Variants in RXRA observed in about 807,000 individuals in gnomAD.
The protein encoded by RXRA is retinoid X receptor alpha.
A neutral mutation model predicts 44.5 loss-of-function variants in RXRA; 5 were observed. The observed-to-expected ratio is 0.11, with a 90% CI of 0.06 to 0.24. RXRA has a LOEUF of 0.24. Ranked by LOEUF, RXRA falls within the 10% of genes least tolerant of loss-of-function variation. The pLI is 1.00. For missense variants in RXRA, 412 were observed against 646.5 expected (o/e 0.64, Z 3.93); for synonymous variants, 291 against 271.4 (o/e 1.07, Z -0.71).
intron 1 of RXRA, among the ~76,000 whole-genome samples, chr9:134,393,972 T>C (rs945035484): frequency 2.6e-5 from 4 of 152,002 alleles, no homozygotes; most frequent in African/African-American, 7.2e-5. Context: ...ACTTGCTCAG[T>C]ATGGCCAAGA....
In RXRA at chr9:134,437,435, TC is replaced by T. The variant is rs1347459729; in HGVS notation, c.*823del. Reference sequence around the variant, plus strand: ...CGGCCCCTCCCCAGCCTGAGTCTTCTCCTTGCTCTGCGGGGTGGGCTGAGGC... The same window carrying T: ...CGGCCCCTCCCCAGCCTGAGTCTTCTCTTGCTCTGCGGGGTGGGCTGAGGC... On this transcript the variant is annotated 3_prime_UTR_variant, in exon 10 of 10. Transcript: ENST00000481739. The T allele has an allele frequency of 6.6e-6, 1 of 152,582 alleles. No homozygotes were observed. Among genetic ancestry groups the T allele is most frequent in the African/African-American group, 2.4e-5 (1 of 41,446 alleles). The allele number at this position is 152,582 out of a possible 1,614,324, so 9.5% of individuals were successfully genotyped here. A position where few individuals can be genotyped will look rare whatever the true frequency, so the allele number is the denominator to read the frequency against.
At chr9:134,348,984 C>T (rs1830188386) in intron 1 of RXRA, among the ~76,000 whole-genome samples, 2 of 152,206 alleles carry the variant, frequency 1.3e-5, no homozygotes, top group Non-Finnish European at 2.9e-5. Flanking sequence ...GGCCTTGAGA[C>T]TCGGGAGGGG....
intron 6 of RXRA, chr9:134,424,977 CT>C (rs1831408520): frequency 1.0e-6 from 1 of 985,348 alleles, no homozygotes; most frequent in Admixed American, 6.1e-5. Context: ...GTTCCCAGTG[CT>C]GGTGGGGGAG....
At chr9:134,370,316 A>G (rs1355929109) in intron 1 of RXRA, among the ~76,000 whole-genome samples, 2 of 152,190 alleles carry the variant, frequency 1.3e-5, no homozygotes, top group African/African-American at 2.4e-5. Context: ...TGAGCTTGGC[A>G]GGGCTCTCTG....
At chr9:134,425,322 G>A (rs1339768874) in intron 6 of RXRA, 7 of 985,128 alleles carry the variant, frequency 7.1e-6, no homozygotes, top group African/African-American at 1.7e-5. Flanking sequence ...AAGAGTTTTG[G>A]CTTGTTCCAT....
chr9:134,335,855 GTCCC>G lies in RXRA; in HGVS notation c.28+9198_28+9201del, dbSNP rs1829993608. Among the ~76,000 whole-genome samples the G allele has an allele frequency of 1.3e-5, 2 of 152,148 alleles. 1 individual carries two copies. The highest frequency in any genetic ancestry group is 1.3e-4 in the Admixed American group (2 of 15,286). On this transcript the variant is annotated intron_variant, in intron 1 of 9. Transcript: ENST00000481739. ...CACCTATTCCTATACCCCTTGGTCT[GTCCC>G]TGTAGTGCCCTGTGGTCCTGCCTTG...
At chr9:134,332,909 GA>G (rs1305708751) in intron 1 of RXRA, among the ~76,000 whole-genome samples, 1 of 152,116 alleles carries the variant, frequency 6.6e-6, no homozygotes, top group African/African-American at 2.4e-5. Context: ...AAGGGGGGAG[GA>G]TTCCTAGCAT....
chr9:134,328,406 C>T (rs1554746269), intron 1 of RXRA, among the ~76,000 whole-genome samples: 4 of 151,982 alleles, frequency 2.6e-5, no homozygotes, highest in Non-Finnish European at 5.9e-5. Flanking sequence ...TGCTGGAGTC[C>T]CTGTGAGGAG....
intron 1 of RXRA, among the ~76,000 whole-genome samples, chr9:134,327,082 C>T (rs1411704251): frequency 6.6e-6 from 1 of 152,046 alleles, no homozygotes; most frequent in African/African-American, 2.4e-5. Flanking sequence ...CGAGCGGCCT[C>T]TGCGCCGCCC....
intron 1 of RXRA, among the ~76,000 whole-genome samples, chr9:134,398,982 G>A (rs985367177): frequency 6.6e-5 from 10 of 152,266 alleles, no homozygotes; most frequent in African/African-American, 2.4e-4. Flanking sequence ...CTGCCTTGAA[G>A]TCAGCACAGT....
At chr9:134,380,367 GC>G (rs1233315061) in intron 1 of RXRA, among the ~76,000 whole-genome samples, 2 of 152,126 alleles carry the variant, frequency 1.3e-5, no homozygotes, top group African/African-American at 2.4e-5. Context: ...TGGGTCAGGA[GC>G]CAGGGGCCAG....
intron 1 of RXRA, among the ~76,000 whole-genome samples, chr9:134,398,262 G>A (rs1197664304): frequency 3.9e-5 from 6 of 152,156 alleles, no homozygotes; most frequent in Non-Finnish European, 8.8e-5. Flanking sequence ...TTACAGGTGT[G>A]AGCCACCCTG....
rs1193316434 is a variant in RXRA at position 134,425,969 on chromosome 9, C to T, written c.911-3139C>T. The T allele has an allele frequency of 3.0e-6, 3 of 985,290 alleles. No individual in the cohort carries two copies. In the East Asian group the frequency reaches 3.4e-4, roughly 112 times the overall value. The allele number at this position is 985,290 out of a possible 1,614,324, so 61.0% of individuals were successfully genotyped here. A position where few individuals can be genotyped will look rare whatever the true frequency, so the allele number is the denominator to read the frequency against. ...AGGTTGGAGCCCGAGGCCCCAGCTTCCCCACCTGACCCTTGACTCTGTGCT... is the reference window on the plus strand; with the variant it reads ...AGGTTGGAGCCCGAGGCCCCAGCTTTCCCACCTGACCCTTGACTCTGTGCT... On this transcript the variant is annotated intron_variant, in intron 6 of 9. Coordinates refer to ENST00000481739, the MANE Select transcript of RXRA (RefSeq NM_002957.6).
rs1303116060 is a variant in RXRA, at chr9:134,406,337, T to G, written c.280-1812T>G. On this transcript the variant is annotated intron_variant, in intron 2 of 9. Coordinates refer to ENST00000481739, the MANE Select transcript of RXRA (RefSeq NM_002957.6). ...TGGGCCTGGAAGTTTGAGGCTGCAG[T>G]GACTGTGATTGTGCCACTGTCCTCC... The G allele has an allele frequency of 2.8e-5, 4 of 142,968 alleles. No homozygotes were observed. The East Asian group carries it at 8.2e-4, about 29-fold the overall frequency. 8.9% of individuals were successfully genotyped at this position (142,968 alleles called of 1,614,324 possible).
intron 2 of RXRA, chr9:134,405,776 C>G (rs796518321): frequency 3.3e-5 from 5 of 152,838 alleles, no homozygotes; most frequent in African/African-American, 1.2e-4. Flanking sequence ...CGGTGCCTCC[C>G]CAGTGCTAGG....
intron 1 of RXRA, among the ~76,000 whole-genome samples, chr9:134,333,783 C>T (rs534978847): frequency 6.6e-6 from 1 of 152,330 alleles, no homozygotes; most frequent in South Asian, 2.1e-4. Context: ...GCACAGGTGG[C>T]TGGAGTCGCT....
chr9:134,379,626 T>C, intron 1 of RXRA: 1 of 985,176 alleles, frequency 1.0e-6, no homozygotes, highest in Non-Finnish European at 1.2e-6. Flanking sequence ...GGTCTCACCC[T>C]CCTGCTCCAG....
chr9:134,432,308 C>T (rs1831545362), intron 8 of RXRA, among the ~76,000 whole-genome samples: 1 of 152,236 alleles, frequency 6.6e-6, no homozygotes, highest in Admixed American at 6.5e-5. Flanking sequence ...ATCCAGACTC[C>T]GAAAGTGGCC....
intron 1 of RXRA, among the ~76,000 whole-genome samples, chr9:134,400,962 A>G (rs1426894513): frequency 2.0e-5 from 3 of 152,140 alleles, no homozygotes; most frequent in South Asian, 2.1e-4. Flanking sequence ...GTGGCACCTG[A>G]GCAGGTCCAG....
Sources: allele counts gnomAD v4.1 joint callset (sites outside exome capture counted in the v4.1 genomes callset), GRCh38; gene constraint gnomAD v4.1.1; transcripts MANE v1.5; gene names NCBI Gene and HGNC (gene_info 2026-07-23, HGNC 2026-07-21).